The following NLGN4X variants were observed in gnomAD, a reference collection of about 807,000 sequenced individuals.
NLGN4X encodes neuroligin-4, X-linked.
A neutral mutation model predicts 40.3 loss-of-function variants in NLGN4X; 3 were observed. That is an observed-to-expected ratio of 0.07 (90% confidence interval 0.03 to 0.19). NLGN4X has a LOEUF of 0.19. Among genes scored for constraint, NLGN4X ranks in the 10% least tolerant of loss-of-function variants. NLGN4X has a pLI of 1.00. For missense variants in NLGN4X, 382 were observed against 708.3 expected (o/e 0.54, Z 5.23); for synonymous variants, 270 against 306.8 (o/e 0.88, Z 1.25).
intron 3 of NLGN4X, among the ~76,000 whole-genome samples, chrX:6,017,770 C>T (rs184321431): frequency 1.1e-4 from 12 of 111,965 alleles, no homozygotes; most frequent in Admixed American, 9.5e-4. Flanking sequence ...GTCAGCCACA[C>T]AATCACAAGG....
intron 1 of NLGN4X, among the ~76,000 whole-genome samples, chrX:6,152,613 C>G (rs1044182323): frequency 9.0e-6 from 1 of 111,485 alleles, no homozygotes; most frequent in East Asian, 2.8e-4. Context: ...AGAGTGTAGA[C>G]TTTGGACACA....
chrX:6,033,564 T>C (rs903651803), intron 2 of NLGN4X, among the ~76,000 whole-genome samples: 2 of 112,444 alleles, frequency 1.8e-5, no homozygotes, highest in Non-Finnish European at 1.9e-5. Context: ...TTGAAGATCA[T>C]GTCCTCTGTG....
intron 1 of NLGN4X, among the ~76,000 whole-genome samples, chrX:6,204,606 T>C (rs1169640545): frequency 9.0e-6 from 1 of 111,484 alleles, no homozygotes; most frequent in Admixed American, 9.6e-5. Context: ...TGTGTGCACA[T>C]GTAACCCAGA....
At chrX:5,899,699 T>A (rs1160568380) in intron 5 of NLGN4X, among the ~76,000 whole-genome samples, 3 of 107,431 alleles carry the variant, frequency 2.8e-5, no homozygotes, top group African/African-American at 1.0e-4. Flanking sequence ...CCTTTTTTTT[T>A]TTTTTTATTT....
chrX:5,918,643 T>A (rs1213434260), intron 3 of NLGN4X, among the ~76,000 whole-genome samples: 1 of 112,481 alleles, frequency 8.9e-6, no homozygotes, highest in Non-Finnish European at 1.9e-5. Context: ...CTTTAAGTTC[T>A]TAATTATTTA....
intron 2 of NLGN4X, among the ~76,000 whole-genome samples, chrX:6,112,101 T>C (rs1025737671): frequency 8.9e-6 from 1 of 111,766 alleles, no homozygotes; most frequent in Admixed American, 9.5e-5. Context: ...TAACTGCATG[T>C]TCAGTGCTTG....
At chrX:6,107,441 C>T (rs1437547431) in intron 2 of NLGN4X, among the ~76,000 whole-genome samples, 2 of 111,310 alleles carry the variant, frequency 1.8e-5, no homozygotes, top group Non-Finnish European at 3.8e-5. Flanking sequence ...CCATTTTCAC[C>T]GGGTAAAGGT....
rs375983474 is a variant in NLGN4X at position 6,190,045 on chromosome X, C to G, written c.-305-38274G>C. Among the ~76,000 whole-genome samples, 24 of 108,429 alleles carry G rather than the reference C, an allele frequency of 2.2e-4. 3 individuals carry two copies. Among genetic ancestry groups the G allele is most frequent in the Admixed American group, 1.8e-3 (18 of 9,784 alleles). The allele number at this position is 108,429 out of a possible 115,157, so 94.2% of individuals were successfully genotyped here. A position where few individuals can be genotyped will look rare whatever the true frequency, so the allele number is the denominator to read the frequency against. ...TATACTAGATAAAAATAGCAAACAG[C>G]TGATCAATCATTTTTCCAAGTATGA... On this transcript the variant is annotated intron_variant, in intron 1 of 5. Transcript: ENST00000381095.
intron 2 of NLGN4X, among the ~76,000 whole-genome samples, chrX:6,073,181 T>C (rs12851920): frequency 0.21 from 23,609 of 111,223 alleles, 1,902 homozygotes; most frequent in Admixed American, 0.26. Flanking sequence ...GGAATCCCTA[T>C]GGTACAAGCC....
intron 3 of NLGN4X, among the ~76,000 whole-genome samples, chrX:5,953,663 G>C (rs747114783): frequency 8.9e-6 from 1 of 112,094 alleles, no homozygotes; most frequent in African/African-American, 3.2e-5. Flanking sequence ...AGAAACACTT[G>C]AGAATTCAAA....
rs186894475 is a variant in NLGN4X at position 5,890,314 on chromosome X, T to G, written c.*2503A>C. The stretch of plus-strand genomic sequence containing the variant: ...GTATATTTTTTCTCATAGAACTCTA[T>G]GAAGATTCTATAACTTCTTTCCATG... On this transcript the variant is annotated 3_prime_UTR_variant, in exon 6 of 6. Coordinates refer to ENST00000381095, the MANE Select transcript of NLGN4X (RefSeq NM_181332.3). 24 of 181,012 alleles carry G rather than the reference T, an allele frequency of 1.3e-4. No homozygotes were observed. The East Asian group carries it at 3.9e-3, about 30-fold the overall frequency. The allele number at this position is 181,012 out of a possible 1,213,427, so 14.9% of individuals were successfully genotyped here. A position where few individuals can be genotyped will look rare whatever the true frequency, so the allele number is the denominator to read the frequency against.
At chrX:5,979,013 C>T (rs1181309430) in intron 3 of NLGN4X, among the ~76,000 whole-genome samples, 2 of 110,862 alleles carry the variant, frequency 1.8e-5, no homozygotes, top group African/African-American at 6.6e-5. Flanking sequence ...TACACACACA[C>T]ATATATATAC....
intron 2 of NLGN4X, among the ~76,000 whole-genome samples, chrX:6,131,731 T>C (rs989409502): frequency 6.2e-5 from 7 of 112,344 alleles, no homozygotes; most frequent in African/African-American, 1.9e-4. Flanking sequence ...AACTGTGCAT[T>C]GTAGGACTTG....
chrX:6,161,392 A>G (rs2040394373), intron 1 of NLGN4X, among the ~76,000 whole-genome samples: 1 of 94,908 alleles, frequency 1.1e-5, no homozygotes, highest in African/African-American at 3.8e-5. Context: ...TATAGGATAT[A>G]AAATATATTA....
At chrX:6,032,064 C>G (rs1477065217) in intron 2 of NLGN4X, among the ~76,000 whole-genome samples, 1 of 93,123 alleles carries the variant, frequency 1.1e-5, no homozygotes, top group African/African-American at 4.0e-5. Flanking sequence ...ATCTTCCCCA[C>G]CCCCCCTTAA....
intron 2 of NLGN4X, among the ~76,000 whole-genome samples, chrX:6,131,715 G>A (rs368436345): frequency 2.9e-4 from 33 of 112,266 alleles, no homozygotes; most frequent in African/African-American, 9.7e-4. Flanking sequence ...TTTGGGGATG[G>A]TCAAGAACTG....
At chrX:5,962,279 C>T (rs1443717287) in intron 3 of NLGN4X, among the ~76,000 whole-genome samples, 1 of 112,116 alleles carries the variant, frequency 8.9e-6, no homozygotes, top group East Asian at 2.8e-4. Context: ...AAAGAACATG[C>T]ATACTGCATG....
intron 2 of NLGN4X, among the ~76,000 whole-genome samples, chrX:6,035,491 G>A (rs2036979822): frequency 1.8e-5 from 2 of 111,754 alleles, no homozygotes; most frequent in African/African-American, 6.5e-5. Context: ...GGTACAATAA[G>A]AGGTAAGAGT....
At chrX:5,923,186 C>T (rs1392008193) in intron 3 of NLGN4X, among the ~76,000 whole-genome samples, 1 of 112,192 alleles carries the variant, frequency 8.9e-6, no homozygotes, top group Non-Finnish European at 1.9e-5. Context: ...CATCTCGGCT[C>T]ACTGCACCCT....
Sources: allele counts gnomAD v4.1 joint callset (sites outside exome capture counted in the v4.1 genomes callset), GRCh38; gene constraint gnomAD v4.1.1; transcripts MANE v1.5; gene names NCBI Gene and HGNC (gene_info 2026-07-23, HGNC 2026-07-21).